The following NRG4 variants were observed in gnomAD, a reference collection of about 807,000 sequenced individuals.
NRG4 encodes the protein neuregulin 4.
NRG4 carries 10 observed loss-of-function variants against 15.0 expected under a neutral mutation model. The ratio of observed to expected loss-of-function variants is 0.67; its 90% confidence interval spans 0.41 to 1.13. The LOEUF is 1.13. Among genes scored for constraint, NRG4 ranks in the 50% most tolerant of loss-of-function variants. The probability of loss-of-function intolerance (pLI) is 0.00; values close to 1 mark genes in which losing one functional copy is unlikely to be tolerated. For missense variants in NRG4, 139 were observed against 140.2 expected (o/e 0.99, Z 0.04); for synonymous variants, 41 against 50.1 (o/e 0.82, Z 0.77).
intron 4 of NRG4, among the ~76,000 whole-genome samples, chr15:76,049,307 G>A (rs2035943545): frequency 6.6e-6 from 1 of 150,712 alleles, no homozygotes; most frequent in Non-Finnish European, 1.5e-5. Flanking sequence ...TTATCTTAAA[G>A]TTCCTAATTT....
At chr15:75,956,410 A>C (rs1258986137) in intron 4 of NRG4, among the ~76,000 whole-genome samples, 6 of 152,170 alleles carry the variant, frequency 3.9e-5, no homozygotes. Context: ...CCTTTAGTCA[A>C]TTATTCTAGT....
chr15:75,963,356 T>G (rs895268938), intron 3 of NRG4, among the ~76,000 whole-genome samples: 1 of 151,964 alleles, frequency 6.6e-6, no homozygotes, highest in African/African-American at 2.4e-5. Flanking sequence ...TAAAAATATT[T>G]TGGAGGGCCA....
intron 3 of NRG4, among the ~76,000 whole-genome samples, chr15:75,976,551 C>T (rs2033374239): frequency 1.3e-5 from 2 of 152,082 alleles, no homozygotes; most frequent in African/African-American, 4.8e-5. Flanking sequence ...TGATGCTATT[C>T]CTTTCTGTTA....
chr15:76,003,069 AAAGT>A (rs2034471819), intron 3 of NRG4, among the ~76,000 whole-genome samples: 2 of 152,174 alleles, frequency 1.3e-5, no homozygotes, highest in Non-Finnish European at 2.9e-5. Flanking sequence ...GAAGGGCCAT[AAAGT>A]AAGTCTCAAC....
intron 3 of NRG4, among the ~76,000 whole-genome samples, chr15:75,985,072 T>C (rs1044359681): frequency 3.9e-5 from 6 of 152,132 alleles, no homozygotes; most frequent in African/African-American, 1.4e-4. Flanking sequence ...CTCGAACTCC[T>C]GACCTCAAGT....
chr15:75,997,554 A>G (rs1227903135), intron 3 of NRG4, among the ~76,000 whole-genome samples: 2 of 152,172 alleles, frequency 1.3e-5, no homozygotes, highest in Non-Finnish European at 2.9e-5. Context: ...CACTAAGTAC[A>G]GTAGAGAGAG....
chr15:76,002,498 C>A (rs2034449449), intron 3 of NRG4, among the ~76,000 whole-genome samples: 1 of 152,090 alleles, frequency 6.6e-6, no homozygotes, highest in Non-Finnish European at 1.5e-5. Context: ...CTAGCCATAT[C>A]AGTAAGTTCA....
rs1567063949 is a variant in NRG4 at position 75,941,746 on chromosome 15, CA to C, written c.*1891del. ...GTAGAACAAAGATTACGTTTTGTCA[CA>C]GGGAGCAGGAGGGAATGGGAATTTA... On this transcript the variant is annotated 3_prime_UTR_variant, in exon 6 of 6. Transcript: ENST00000394907. 2.2e-4 allele frequency: 33 copies of C among 151,924 alleles called. 1 individual carries two copies. The highest frequency in any genetic ancestry group is 5.8e-4 in the East Asian group (3 of 5,184). 9.4% of individuals were successfully genotyped at this position (151,924 alleles called of 1,614,324 possible). A position where few individuals can be genotyped will look rare whatever the true frequency, so the allele number is the denominator to read the frequency against.
At chr15:76,016,093 G>A (rs1270200025), upstream of NRG4, among the ~76,000 whole-genome samples, 1 of 152,132 alleles carries the variant, frequency 6.6e-6, no homozygotes, top group African/African-American at 2.4e-5. Context: ...ATGTGTCCAG[G>A]AATTTATCCA....
intron 5 of NRG4, among the ~76,000 whole-genome samples, chr15:76,020,029 T>G (rs2035104708): frequency 6.6e-6 from 1 of 152,204 alleles, no homozygotes; most frequent in Non-Finnish European, 1.5e-5. Context: ...TTTCGAACTT[T>G]TTCATTATTA....
At chr15:76,006,630 T>A (rs1420175567) in intron 3 of NRG4, among the ~76,000 whole-genome samples, 2 of 152,224 alleles carry the variant, frequency 1.3e-5, no homozygotes, top group Non-Finnish European at 2.9e-5. Flanking sequence ...GTGACCTTGC[T>A]ATCCATCATG....
At chr15:76,036,758 A>G (rs1316818007) in intron 4 of NRG4, among the ~76,000 whole-genome samples, 3 of 152,220 alleles carry the variant, frequency 2.0e-5, no homozygotes, top group African/African-American at 7.2e-5. Flanking sequence ...GGAAACTTAA[A>G]TAGTGTATGA....
At chr15:75,973,453 A>G (rs1401132954) in intron 3 of NRG4, among the ~76,000 whole-genome samples, 1 of 152,152 alleles carries the variant, frequency 6.6e-6, no homozygotes, top group African/African-American at 2.4e-5. Flanking sequence ...CTGGTTTTCA[A>G]AGGGAATGCT....
chr15:75,954,324 T>C (rs538360534), intron 5 of NRG4, among the ~76,000 whole-genome samples: 2 of 152,080 alleles, frequency 1.3e-5, no homozygotes, highest in Non-Finnish European at 2.9e-5. Flanking sequence ...GTTTGGGTCC[T>C]TTAAAAATAT....
chr15:75,953,193 TA>T (rs1263856758), intron 5 of NRG4, among the ~76,000 whole-genome samples: 6 of 152,240 alleles, frequency 3.9e-5, no homozygotes, highest in African/African-American at 1.4e-4. Flanking sequence ...AGTTAATTTT[TA>T]TATATGGTAT....
chr15:76,004,586 C>T (rs939206956), intron 3 of NRG4, among the ~76,000 whole-genome samples: 5 of 137,066 alleles, frequency 3.6e-5, no homozygotes, highest in South Asian at 4.5e-4. Context: ...GCAACAAGAG[C>T]GAAACTCCGT....
chr15:76,004,130 G>A lies in NRG4; in HGVS notation c.104+5070C>T, dbSNP rs144133287. ...TAAAAATATAATTTTGTAACAATAC[G>A]TGAAAGAAGTGGGGACAGAGCTACA... On this transcript the variant is annotated intron_variant, in intron 3 of 5. Transcript: ENST00000394907. 8.0e-3 allele frequency among the ~76,000 whole-genome samples: 1,225 copies of A among 152,212 alleles called. 19 individuals carry two copies. Among genetic ancestry groups the A allele is most frequent in the African/African-American group, 0.027 (1,142 of 41,542 alleles).
chr15:75,998,786 A>G (rs2034301337), intron 3 of NRG4, among the ~76,000 whole-genome samples: 1 of 152,250 alleles, frequency 6.6e-6, no homozygotes, highest in Non-Finnish European at 1.5e-5. Flanking sequence ...CTCTTGAAGT[A>G]CAGAAAAGGA....
At chr15:76,039,320 C>A (rs1341976203) in intron 4 of NRG4, among the ~76,000 whole-genome samples, 1 of 148,760 alleles carries the variant, frequency 6.7e-6, no homozygotes, top group African/African-American at 2.6e-5. Flanking sequence ...ATCTTTCAGA[C>A]AGAGAATTCA....
Sources: allele counts gnomAD v4.1 joint callset (sites outside exome capture counted in the v4.1 genomes callset), GRCh38; gene constraint gnomAD v4.1.1; transcripts MANE v1.5; gene names NCBI Gene and HGNC (gene_info 2026-07-23, HGNC 2026-07-21).